Variants in PPP2R2B observed in about 807,000 individuals in gnomAD.
PPP2R2B encodes the protein serine/threonine-protein phosphatase 2A 55 kDa regulatory subunit B beta isoform.
In PPP2R2B, 5 loss-of-function variants were observed where a neutral mutation model predicts 46.0. That is an observed-to-expected ratio of 0.11 (90% confidence interval 0.06 to 0.23). The LOEUF is 0.23. PPP2R2B is among the 10% of genes least tolerant of loss of function. The pLI, the probability that PPP2R2B is intolerant of heterozygous loss-of-function variation, is 1.00. For missense variants in PPP2R2B, 367 were observed against 575.0 expected (o/e 0.64, Z 3.70); for synonymous variants, 215 against 206.7 (o/e 1.04, Z -0.34).
intron 1 of PPP2R2B, among the ~76,000 whole-genome samples, chr5:146,974,978 C>T (rs367706024): frequency 6.6e-6 from 1 of 152,034 alleles, no homozygotes; most frequent in Non-Finnish European, 1.5e-5. Flanking sequence ...CGTGAACCAC[C>T]GTGCCCCGCC....
chr5:146,899,986 C>T (rs1762771646), intron 1 of PPP2R2B, among the ~76,000 whole-genome samples: 2 of 152,154 alleles, frequency 1.3e-5, no homozygotes, highest in South Asian at 2.1e-4. Context: ...ATTTCTTCAA[C>T]ATTGGTCCCT....
intron 2 of PPP2R2B, among the ~76,000 whole-genome samples, chr5:146,725,932 A>G (rs994489543): frequency 3.9e-5 from 6 of 152,332 alleles, no homozygotes; most frequent in Admixed American, 1.3e-4. Flanking sequence ...CAAGAAAACT[A>G]TGAAAGCTAA....
intron 1 of PPP2R2B, among the ~76,000 whole-genome samples, chr5:146,940,481 G>C (rs2151828735): frequency 6.7e-6 from 1 of 150,286 alleles, no homozygotes; most frequent in Non-Finnish European, 1.5e-5. Flanking sequence ...CCAGATGGAA[G>C]AAGTCCAGAT....
intron 1 of PPP2R2B, among the ~76,000 whole-genome samples, chr5:147,029,575 GC>G (rs1755683897): frequency 6.6e-6 from 1 of 151,992 alleles, no homozygotes; most frequent in African/African-American, 2.4e-5. Context: ...ACTGAACTGT[GC>G]CCCCCTGCAA....
intron 1 of PPP2R2B, among the ~76,000 whole-genome samples, chr5:146,960,371 C>T (rs1386276393): frequency 1.3e-5 from 2 of 152,124 alleles, no homozygotes; most frequent in African/African-American, 4.8e-5. Context: ...CTCACTGCAA[C>T]CTCCACCTCC....
chr5:146,857,946 C>T (rs1357351213), intron 2 of PPP2R2B, among the ~76,000 whole-genome samples: 1 of 152,178 alleles, frequency 6.6e-6, no homozygotes, highest in Non-Finnish European at 1.5e-5. Context: ...CTTTGGCCTC[C>T]CAAAGTGCTG....
At chr5:146,854,674 G>A (rs574760517) in intron 2 of PPP2R2B, among the ~76,000 whole-genome samples, 45 of 152,226 alleles carry the variant, frequency 3.0e-4, no homozygotes, top group Middle Eastern at 3.4e-3. Context: ...TAAAACACAA[G>A]CACGTGTGTA....
rs1016141096 is a variant in PPP2R2B at position 146,653,384 on chromosome 5, G to A, written c.448-2660C>T. Among the ~76,000 whole-genome samples, 8 of 152,274 alleles carry A rather than the reference G, an allele frequency of 5.3e-5. No individual in the cohort carries two copies. In the East Asian group the frequency reaches 5.8e-4, roughly 11 times the overall value. On this transcript the variant is annotated intron_variant, in intron 5 of 9. Coordinates refer to ENST00000394411, the MANE Select transcript of PPP2R2B (RefSeq NM_181675.4). ...AGTTAAGAAACCTCAATTAGGTGTT[G>A]TAGGTGTTCATGGTATTTGAACAGG...
At chr5:146,752,166 G>A (rs1292250160) in intron 2 of PPP2R2B, among the ~76,000 whole-genome samples, 4 of 152,098 alleles carry the variant, frequency 2.6e-5, no homozygotes, top group Non-Finnish European at 5.9e-5. Flanking sequence ...CAGTGAGGGT[G>A]GGGAGAGGCT....
chr5:146,976,867 C>G (rs1442754307), intron 1 of PPP2R2B, among the ~76,000 whole-genome samples: 1 of 151,788 alleles, frequency 6.6e-6, no homozygotes, highest in Non-Finnish European at 1.5e-5. Flanking sequence ...GCCACCCCAT[C>G]AACACCTTCC....
intron 2 of PPP2R2B, among the ~76,000 whole-genome samples, chr5:146,790,904 T>C (rs1756157542): frequency 6.6e-6 from 1 of 152,196 alleles, no homozygotes. Context: ...CACATTTTGA[T>C]TCTGAACTAT....
Position 146,707,229 on chromosome 5 carries a change from C to A in PPP2R2B, c.71-6087G>T, listed in dbSNP as rs538122180. 9.5e-6 allele frequency: 15 copies of A among 1,585,992 alleles called. No individual in the cohort carries two copies. The South Asian group carries it at 1.7e-4, about 17-fold the overall frequency. On this transcript the variant is annotated intron_variant, in intron 2 of 9. Coordinates refer to ENST00000394411, the MANE Select transcript of PPP2R2B (RefSeq NM_181675.4). Reference sequence around the variant, plus strand: ...CCATGTTGCTCCCAGCCGTCTTCTGCTGCTGCAGGAGGCTCCACTTGGTCT... The same window carrying A: ...CCATGTTGCTCCCAGCCGTCTTCTGATGCTGCAGGAGGCTCCACTTGGTCT...
intron 6 of PPP2R2B, among the ~76,000 whole-genome samples, chr5:146,648,473 G>T (rs183188179): frequency 6.6e-6 from 1 of 152,062 alleles, no homozygotes; most frequent in Non-Finnish European, 1.5e-5. Flanking sequence ...ACTGGATAGC[G>T]CTACTTTGAT....
At chr5:146,997,177 C>A (rs1172423529) in intron 1 of PPP2R2B, among the ~76,000 whole-genome samples, 1 of 152,106 alleles carries the variant, frequency 6.6e-6, no homozygotes, top group African/African-American at 2.4e-5. Flanking sequence ...AGGCATAGTG[C>A]CTTACCAAGA....
upstream of PPP2R2B, among the ~76,000 whole-genome samples, chr5:147,059,973 C>T (rs1757209400): frequency 6.6e-6 from 1 of 152,112 alleles, no homozygotes; most frequent in Non-Finnish European, 1.5e-5. Flanking sequence ...GTTTTTACAA[C>T]CTCTTTTGGG....
At chr5:146,995,797 A>G (rs919745655) in intron 1 of PPP2R2B, among the ~76,000 whole-genome samples, 1 of 152,220 alleles carries the variant, frequency 6.6e-6, no homozygotes, top group African/African-American at 2.4e-5. Flanking sequence ...GCAAAACACA[A>G]GGTGGGCAGG....
In PPP2R2B at chr5:146,983,382, A is replaced by G. The variant is rs373434857; in HGVS notation, c.79+72283T>C. Reference sequence around the variant, plus strand: ...TTTTTAGTAGAGACGGGGTTTCACCATGTTAGCCAGGATGGTCTTGATCTC... The same window carrying G: ...TTTTTAGTAGAGACGGGGTTTCACCGTGTTAGCCAGGATGGTCTTGATCTC... On this transcript the variant is annotated intron_variant, in intron 1 of 8. Transcript: ENST00000336640. 4.4e-3 allele frequency among the ~76,000 whole-genome samples: 673 copies of G among 151,966 alleles called. 6 individuals are homozygous for G. Among genetic ancestry groups the G allele is most frequent in the African/African-American group, 0.011 (466 of 41,474 alleles).
chr5:146,738,692 T>C (rs1752690947), intron 2 of PPP2R2B, among the ~76,000 whole-genome samples: 1 of 152,176 alleles, frequency 6.6e-6, no homozygotes, highest in Non-Finnish European at 1.5e-5. Context: ...AGATTCCTCA[T>C]GGGCAGAGAG....
chr5:146,743,576 C>T (rs62375676), intron 2 of PPP2R2B, among the ~76,000 whole-genome samples: 2,665 of 152,282 alleles, frequency 0.018, 31 homozygotes, highest in Non-Finnish European at 0.028. Context: ...TCCATCCCCA[C>T]GTCTAATCCA....
Sources: gnomAD v4.1 joint callset for allele counts (sites outside exome capture counted in the v4.1 genomes callset) on GRCh38, gnomAD v4.1.1 for gene constraint, MANE v1.5 for transcripts, NCBI Gene and HGNC (gene_info 2026-07-23, HGNC 2026-07-21) for gene names.